The following DAB1 variants were observed in gnomAD, a reference collection of about 807,000 sequenced individuals.
The protein encoded by DAB1 is DAB adaptor protein 1, also known as disabled homolog 1.
In DAB1, 15 loss-of-function variants were observed where a neutral mutation model predicts 64.6. The observed-to-expected ratio is 0.23, with a 90% CI of 0.16 to 0.36. The LOEUF (loss-of-function observed/expected upper bound fraction) is 0.36. Ranked by LOEUF, DAB1 falls within the 10% of genes least tolerant of loss-of-function variation. The pLI, the probability that DAB1 is intolerant of heterozygous loss-of-function variation, is 1.00. For synonymous variants in DAB1, 235 were observed against 251.9 expected (o/e 0.93, Z 0.64); for missense variants, 596 against 706.7 (o/e 0.84, Z 1.78).
intron 3 of DAB1, among the ~76,000 whole-genome samples, chr1:57,142,607 CACACACACACACACACACACACAT>C (rs1658709591): frequency 1.3e-5 from 2 of 148,882 alleles, no homozygotes; most frequent in African/African-American, 2.5e-5. Flanking sequence ...GTCACACACA[CACACACACACACACACACACACAT>C]ACACACACAC....
At chr1:58,125,551 C>T (rs1482169559) in intron 5 of DAB1, among the ~76,000 whole-genome samples, 1 of 151,318 alleles carries the variant, frequency 6.6e-6, no homozygotes, top group Non-Finnish European at 1.5e-5. Context: ...AAGTGATCTT[C>T]TCACCTCAGC....
At chr1:57,068,522 CAACT>C (rs1255493992) in intron 8 of DAB1, among the ~76,000 whole-genome samples, 1 of 152,222 alleles carries the variant, frequency 6.6e-6, no homozygotes, top group African/African-American at 2.4e-5. Context: ...ATAGGCCACA[CAACT>C]AACAAAATTA....
chr1:57,069,961 C>T (rs759996868), intron 7 of DAB1, among the ~76,000 whole-genome samples: 1 of 152,184 alleles, frequency 6.6e-6, no homozygotes, highest in Non-Finnish European at 1.5e-5. Context: ...TGTTTTGGGA[C>T]TGTGACATTT....
intron 2 of DAB1, among the ~76,000 whole-genome samples, chr1:58,514,955 G>C (rs992091657): frequency 6.6e-6 from 1 of 152,062 alleles, no homozygotes; most frequent in Non-Finnish European, 1.5e-5. Flanking sequence ...TTGTTATGAA[G>C]ATCAAAAGAA....
chr1:57,207,962 T>C (rs1319735572), intron 2 of DAB1, among the ~76,000 whole-genome samples: 1 of 152,200 alleles, frequency 6.6e-6, no homozygotes, highest in Non-Finnish European at 1.5e-5. Flanking sequence ...CACAGTGACC[T>C]TCCTGGAACC....
chr1:58,436,599 T>C (rs1184502470), intron 3 of DAB1, among the ~76,000 whole-genome samples: 1 of 152,138 alleles, frequency 6.6e-6, no homozygotes, highest in Non-Finnish European at 1.5e-5. Context: ...ATATCAGAGA[T>C]TACAAAAACA....
chr1:57,908,433 G>A (rs1644590773), intron 5 of DAB1, among the ~76,000 whole-genome samples: 2 of 152,144 alleles, frequency 1.3e-5, no homozygotes, highest in African/African-American at 4.8e-5. Flanking sequence ...AAGAGAGCCA[G>A]GGAGGGAGGA....
At chr1:57,727,726 C>CCTTCCT (rs1647239817) in intron 6 of DAB1, among the ~76,000 whole-genome samples, 1 of 137,022 alleles carries the variant, frequency 7.3e-6, no homozygotes, top group African/African-American at 2.7e-5. Flanking sequence ...CCTTCCTTCT[C>CCTTCCT]TCCTTCCTTC....
At chr1:58,413,942 G>A (rs1466710347) in intron 3 of DAB1, among the ~76,000 whole-genome samples, 1 of 152,150 alleles carries the variant, frequency 6.6e-6, no homozygotes, top group Non-Finnish European at 1.5e-5. Flanking sequence ...TGCAACCCTA[G>A]ATGGTATAGC....
chr1:57,652,754 T>C (rs1049152924), intron 6 of DAB1, among the ~76,000 whole-genome samples: 3 of 152,250 alleles, frequency 2.0e-5, no homozygotes, highest in African/African-American at 7.2e-5. Flanking sequence ...TCTGTTGCTT[T>C]TGCATTCTCC....
chr1:57,993,730 C>T (rs956149826), intron 5 of DAB1, among the ~76,000 whole-genome samples: 2 of 151,632 alleles, frequency 1.3e-5, no homozygotes, highest in African/African-American at 4.8e-5. Flanking sequence ...GCAAATGTCA[C>T]GTTTTAGAGC....
intron 4 of DAB1, among the ~76,000 whole-genome samples, chr1:58,258,277 C>T (rs538825890): frequency 2.6e-5 from 4 of 152,332 alleles, no homozygotes; most frequent in African/African-American, 9.6e-5. Flanking sequence ...ATTCTGTTTA[C>T]TCTGCCTCCC....
chr1:57,757,438 A>T (rs1352827271), intron 6 of DAB1, among the ~76,000 whole-genome samples: 2 of 151,922 alleles, frequency 1.3e-5, no homozygotes. Context: ...CTCTCTGAAG[A>T]CTTAAAGGGT....
intron 2 of DAB1, among the ~76,000 whole-genome samples, chr1:57,230,265 C>T (rs1394357940): frequency 6.7e-6 from 1 of 148,298 alleles, no homozygotes; most frequent in Non-Finnish European, 1.5e-5. Context: ...TCAACATTGG[C>T]GATGTGCAAA....
At chr1:58,387,923 T>C (rs1285765258) in intron 3 of DAB1, among the ~76,000 whole-genome samples, 1 of 152,070 alleles carries the variant, frequency 6.6e-6, no homozygotes, top group Non-Finnish European at 1.5e-5. Flanking sequence ...GAGACAGGGT[T>C]TCACCATGTT....
At chr1:57,385,403 T>G (rs1315726105) in intron 1 of DAB1, among the ~76,000 whole-genome samples, 2 of 152,214 alleles carry the variant, frequency 1.3e-5, no homozygotes, top group African/African-American at 4.8e-5. Context: ...AGTAGCTCCA[T>G]GTAGTCTTTC....
intron 1 of DAB1, among the ~76,000 whole-genome samples, chr1:57,292,382 T>C (rs760709015): frequency 6.6e-6 from 1 of 152,136 alleles, no homozygotes; most frequent in Non-Finnish European, 1.5e-5. Context: ...AAAAAGGAAA[T>C]GGCCCAAATG....
chr1:57,286,359 G>T (rs552539509), intron 2 of DAB1, among the ~76,000 whole-genome samples: 93 of 151,956 alleles, frequency 6.1e-4, no homozygotes, highest in African/African-American at 2.1e-3. Flanking sequence ...CTTAATAAGA[G>T]GGGGAAAAAA....
rs1252931841 is a variant in DAB1 at position 58,232,542 on chromosome 1, G to A, written n.310-81954C>T. 2.6e-5 allele frequency among the ~76,000 whole-genome samples: 4 copies of A among 151,466 alleles called. 1 individual carries two copies. In the South Asian group the frequency reaches 6.3e-4, roughly 24 times the overall value. On this transcript the variant is annotated intron_variant and non_coding_transcript_variant, in intron 4 of 20. Transcript: ENST00000485760. Reference sequence around the variant, plus strand: ...ACACACAGTTTGACAAACGAATTCTGTGCCTAGCACTGTGCCTGAAACTGA... The same window carrying A: ...ACACACAGTTTGACAAACGAATTCTATGCCTAGCACTGTGCCTGAAACTGA...
Sources: allele counts gnomAD v4.1 joint callset (sites outside exome capture counted in the v4.1 genomes callset), GRCh38; gene constraint gnomAD v4.1.1; transcripts MANE v1.5; gene names NCBI Gene and HGNC (gene_info 2026-07-23, HGNC 2026-07-21).